SLC49A4: variants seen among roughly 807,000 people sequenced by gnomAD.
SLC49A4 encodes disrupted in renal cancer protein 2.
Under a neutral mutation model 50.6 loss-of-function variants are expected in SLC49A4, and 36 were observed. The ratio of observed to expected loss-of-function variants is 0.71; its 90% CI spans 0.55 to 0.94. The LOEUF is 0.94. Ranked by LOEUF, SLC49A4 falls within the 40% of genes least tolerant of loss-of-function variation. The pLI is 0.00. For missense variants in SLC49A4, 503 were observed against 605.7 expected (o/e 0.83, Z 1.78); for synonymous variants, 248 against 241.2 (o/e 1.03, Z -0.26).
At chr3:122,801,534 T>C (rs1936131965) in intron 1 of SLC49A4, among the ~76,000 whole-genome samples, 1 of 152,094 alleles carries the variant, frequency 6.6e-6, no homozygotes, top group Non-Finnish European at 1.5e-5. Context: ...GATGTTGCAG[T>C]GAGCTGAGAT....
At chr3:122,820,752 C>T (rs527597734) in intron 2 of SLC49A4, among the ~76,000 whole-genome samples, 15 of 152,240 alleles carry the variant, frequency 9.9e-5, no homozygotes, top group Admixed American at 8.5e-4. Context: ...GACTCTGCAG[C>T]GCACCTGGGG....
intron 2 of SLC49A4, among the ~76,000 whole-genome samples, chr3:122,811,541 C>A (rs1286766333): frequency 2.0e-5 from 3 of 152,160 alleles, no homozygotes; most frequent in African/African-American, 7.2e-5. Flanking sequence ...ATATACATGT[C>A]TTTAACCTAC....
intron 2 of SLC49A4, among the ~76,000 whole-genome samples, chr3:122,807,759 A>G (rs1166466651): frequency 6.6e-6 from 1 of 152,152 alleles, no homozygotes; most frequent in East Asian, 1.9e-4. Context: ...ATACTGGTCT[A>G]CAGATTAAGG....
At chr3:122,851,993 C>CTTTTTT (rs368287566) in intron 5 of SLC49A4, among the ~76,000 whole-genome samples, 6 of 128,022 alleles carry the variant, frequency 4.7e-5, no homozygotes, top group South Asian at 2.5e-4. Context: ...ATCTTTGATT[C>CTTTTTT]TTTTTTTTTT....
At chr3:122,862,856 T>G (rs943413287) in intron 7 of SLC49A4, among the ~76,000 whole-genome samples, 1 of 152,228 alleles carries the variant, frequency 6.6e-6, no homozygotes, top group Non-Finnish European at 1.5e-5. Context: ...AATCTCTTTT[T>G]TTTGGTCTGG....
chr3:122,833,353 T>C lies in SLC49A4; in HGVS notation c.740T>C (p.Leu247Pro). 6.2e-7 allele frequency: 1 copy of C among 1,613,710 alleles called. No homozygotes were observed. The highest frequency in any genetic ancestry group is 8.5e-7 in the Non-Finnish European group (1 of 1,179,716). ...GTCTGCTTAATATTTTCTGCAACAC[T>C]AGCTTATTTCCCACCCCGACCTCCT... Reference protein sequence around the residue: ...GVVCLIFSATLAYFPPRPPLP... With the variant: ...GVVCLIFSATPAYFPPRPPLP... The change falls in exon 4 of 9, where the codon CTA becomes CCA. Residue 247 changes from leucine to proline, a missense_variant. By Grantham distance (98) the Leu-to-Pro change is moderately conservative. Transcript: ENST00000261038.
At chr3:122,817,873 G>A (rs187327953) in intron 2 of SLC49A4, among the ~76,000 whole-genome samples, 42 of 149,804 alleles carry the variant, frequency 2.8e-4, no homozygotes, top group African/African-American at 1.0e-3. Flanking sequence ...AGGATTGCAG[G>A]TGTGCACCAC....
At chr3:122,798,396 G>A (rs1240939277) in intron 1 of SLC49A4, among the ~76,000 whole-genome samples, 1 of 151,980 alleles carries the variant, frequency 6.6e-6, no homozygotes, top group Non-Finnish European at 1.5e-5. Context: ...ATAAAATAAG[G>A]TACTTTAGTT....
In SLC49A4 at chr3:122,879,964, G is replaced by A. The variant is rs1174754524; in HGVS notation, c.*586G>A. On this transcript the variant is annotated 3_prime_UTR_variant, in exon 9 of 9. Coordinates refer to ENST00000261038, the MANE Select transcript of SLC49A4 (RefSeq NM_032839.3). ...AGCCCTTGGCCATCTTTACTATGGT[G>A]ATCAGGTGCTTTCCAGTGACTTCTG... is the stretch of plus-strand genomic sequence containing the variant. The A allele has an allele frequency of 6.6e-6, 1 of 152,644 alleles. No homozygotes were observed. The highest frequency in any genetic ancestry group is 1.5e-5 in the Non-Finnish European group (1 of 68,066). 9.5% of individuals were successfully genotyped at this position (152,644 alleles called of 1,614,324 possible). A position where few individuals can be genotyped will look rare whatever the true frequency, so the allele number is the denominator to read the frequency against.
chr3:122,863,931 C>T (rs189416097), intron 7 of SLC49A4, among the ~76,000 whole-genome samples: 1 of 152,226 alleles, frequency 6.6e-6, no homozygotes, highest in Admixed American at 6.5e-5. Context: ...CTCTGTCACC[C>T]AGACTGGAGT....
At position 122,869,477 on chromosome 3, in the gene SLC49A4, C is replaced by T. The variant is rs925605055; in HGVS notation, c.1139-2938C>T. Among the ~76,000 whole-genome samples the T allele has an allele frequency of 3.3e-5, 5 of 152,284 alleles. No individual in the cohort carries two copies. The East Asian group carries it at 9.6e-4, about 29-fold the overall frequency. ...AATTTTTAACCAACCAACACCGCCC[C>T]CATTGGGGGATACTTAGTTTGTTTT... is the stretch of plus-strand genomic sequence containing the variant. On this transcript the variant is annotated intron_variant, in intron 7 of 8. Transcript: ENST00000261038.
intron 2 of SLC49A4, among the ~76,000 whole-genome samples, chr3:122,823,496 T>C (rs1159752177): frequency 6.6e-6 from 1 of 152,238 alleles, no homozygotes; most frequent in East Asian, 1.9e-4. Context: ...CACTGTACTT[T>C]TAGGGATTCT....
chr3:122,798,606 C>T (rs995078140), intron 1 of SLC49A4, among the ~76,000 whole-genome samples: 1 of 127,652 alleles, frequency 7.8e-6, no homozygotes, highest in Non-Finnish European at 1.7e-5. Context: ...TTCTTTCTTG[C>T]TTCTGGCATC....
chr3:122,795,117 A>ACTACC lies in SLC49A4; in HGVS notation c.-76_-75insCTACC, dbSNP rs1935990866. On this transcript the variant is annotated 5_prime_UTR_variant, in exon 1 of 9. Coordinates refer to ENST00000261038, the MANE Select transcript of SLC49A4 (RefSeq NM_032839.3). Reference sequence around the variant, plus strand: ...CAGCAGCCTCCGCCTCCTGCTGCTCAGGACTATTCTGCGCTGGGCTAGTCG... The same window carrying ACTACC: ...CAGCAGCCTCCGCCTCCTGCTGCTCACTACCGGACTATTCTGCGCTGGGCTAGTCG... 1.1e-5 allele frequency: 14 copies of ACTACC among 1,250,308 alleles called. No individual in the cohort carries two copies. Among genetic ancestry groups the ACTACC allele is most frequent in the Non-Finnish European group, 1.4e-5 (14 of 1,001,194 alleles). The allele number at this position is 1,250,308 out of a possible 1,614,324, so 77.5% of individuals were successfully genotyped here.
chr3:122,866,252 G>C (rs1396483228), intron 7 of SLC49A4, among the ~76,000 whole-genome samples: 1 of 147,368 alleles, frequency 6.8e-6, no homozygotes, highest in African/African-American at 2.5e-5. Context: ...ACGTTGTCCA[G>C]GCTGGTCTCG....
At chr3:122,842,417 C>G (rs1253348739) in intron 4 of SLC49A4, among the ~76,000 whole-genome samples, 1 of 124,644 alleles carries the variant, frequency 8.0e-6, no homozygotes. Flanking sequence ...ACCCGGGAGG[C>G]GGAGCTTGCA....
At chr3:122,855,139 A>G (rs536232302) in intron 5 of SLC49A4, among the ~76,000 whole-genome samples, 1 of 152,232 alleles carries the variant, frequency 6.6e-6, no homozygotes, top group African/African-American at 2.4e-5. Context: ...GACTCGAAAA[A>G]CAACAAAAGG....
chr3:122,810,376 G>T (rs1013858447), intron 2 of SLC49A4, among the ~76,000 whole-genome samples: 1 of 151,948 alleles, frequency 6.6e-6, no homozygotes, highest in Non-Finnish European at 1.5e-5. Context: ...TTTCTTCTAT[G>T]ATCTCGAACA....
At chr3:122,856,408 G>C (rs764123952) in intron 6 of SLC49A4, 34 bp downstream of exon 6, 3 of 1,583,920 alleles carry the variant, frequency 1.9e-6, no homozygotes, top group Non-Finnish European at 2.6e-6. Flanking sequence ...TGAGTGGACA[G>C]AGCAGGGGGA....
Sources: gnomAD v4.1 joint callset for allele counts (sites outside exome capture counted in the v4.1 genomes callset) on GRCh38, gnomAD v4.1.1 for gene constraint, MANE v1.5 for transcripts, NCBI Gene and HGNC (gene_info 2026-07-23, HGNC 2026-07-21) for gene names.